Variants in GALK2 observed in about 807,000 individuals in gnomAD.
GALK2 encodes the protein galactokinase 2, also known as N-acetylgalactosamine kinase.
In GALK2, 36 loss-of-function variants were observed where a neutral mutation model predicts 52.4. That is an observed-to-expected ratio of 0.69 (90% CI 0.53 to 0.91). The LOEUF (loss-of-function observed/expected upper bound fraction) is 0.91, where lower values mean the gene tolerates loss of function less well. Ranked by LOEUF, GALK2 falls within the 40% of genes least tolerant of loss-of-function variation. GALK2 has a pLI of 0.00. For synonymous variants in GALK2, 176 were observed against 199.1 expected (o/e 0.88, Z 0.98); for missense variants, 579 against 559.1 (o/e 1.04, Z -0.36).
chr15:49,366,546 G>T (rs1314673768), intron 3 of GALK2: 24 of 1,571,688 alleles, frequency 1.5e-5, no homozygotes, highest in Non-Finnish European at 1.9e-5. Context: ...GACCAATGGG[G>T]GTTATAAAGC....
chr15:49,199,927 A>G (rs2087590090), intron 1 of GALK2, among the ~76,000 whole-genome samples: 1 of 152,252 alleles, frequency 6.6e-6, no homozygotes. Context: ...AATTCCCAAG[A>G]GACGAGCTTG....
intron 3 of GALK2, among the ~76,000 whole-genome samples, chr15:49,336,909 C>T (rs2039814524): frequency 6.6e-6 from 1 of 152,162 alleles, no homozygotes; most frequent in Non-Finnish European, 1.5e-5. Context: ...CGTTTATGTC[C>T]ATGAGTACCC....
downstream of GALK2, among the ~76,000 whole-genome samples, chr15:49,334,657 C>T (rs1440842031): frequency 6.6e-6 from 1 of 152,086 alleles, no homozygotes; most frequent in Admixed American, 6.5e-5. Context: ...AATGGGGACC[C>T]TTGGAAAGCA....
chr15:49,200,002 G>T (rs553424284), intron 1 of GALK2, among the ~76,000 whole-genome samples: 1 of 152,116 alleles, frequency 6.6e-6, no homozygotes, highest in South Asian at 2.1e-4. Flanking sequence ...GAGGTTTTTT[G>T]GGTGTGGGTC....
intron 5 of GALK2, 37 bp downstream of exon 5, chr15:49,239,404 T>A (rs2090987530): frequency 6.3e-7 from 1 of 1,583,622 alleles, no homozygotes; most frequent in Non-Finnish European, 8.6e-7. Context: ...TAGAACCCTC[T>A]CCTAATAATC....
chr15:49,185,667 A>AAT (rs2086287796), intron 1 of GALK2: 1 of 152,136 alleles, frequency 6.6e-6, no homozygotes, highest in Non-Finnish European at 1.5e-5. Context: ...CATTCTGACT[A>AAT]GTGTAAGGTG....
Position 49,283,728 on chromosome 15 carries a change from TGGCAG to T in GALK2, c.756+12_756+16del, listed in dbSNP as rs775185655. The T allele has an allele frequency of 3.1e-6, 5 of 1,613,014 alleles. No homozygotes were observed. The highest frequency in any genetic ancestry group is 4.2e-6 in the Non-Finnish European group (5 of 1,179,562). Reference sequence around the variant, plus strand: ...TCGGCTGGCTGCGAAGGTATGAACTTGGCAGGCTAGTGAAACTTGAAGTAGGGTTT... The same window carrying T: ...TCGGCTGGCTGCGAAGGTATGAACTTGCTAGTGAAACTTGAAGTAGGGTTT... On this transcript the variant is annotated intron_variant, in intron 7 of 9. Transcript: ENST00000560031.
rs187445298 is a variant in GALK2 at position 49,344,952 on chromosome 15, C to T, written c.427-22539C>T. Among the ~76,000 whole-genome samples, 10 of 152,240 alleles carry T rather than the reference C, an allele frequency of 6.6e-5. No homozygotes were observed. The East Asian group carries it at 1.9e-3, about 29-fold the overall frequency. On this transcript the variant is annotated intron_variant, in intron 3 of 3. Transcript: ENST00000558399. Reference sequence around the variant, plus strand: ...CTTCTTGTAGAATGATTAATACAACCAATGATACACTTTTTCTAAAGTATA... The same window carrying T: ...CTTCTTGTAGAATGATTAATACAACTAATGATACACTTTTTCTAAAGTATA...
chr15:49,243,131 G>C lies in GALK2; in HGVS notation c.504+3764G>C, dbSNP rs76167097. Among the ~76,000 whole-genome samples, 1,326 of 152,238 alleles carry C rather than the reference G, an allele frequency of 8.7e-3. 25 individuals carry two copies. Among genetic ancestry groups the C allele is most frequent in the African/African-American group, 0.031 (1,274 of 41,538 alleles). ...GGAAGAAAGCAGGGTAATATGGTGG[G>C]TGGGGATTTATCTGAAAGCCTTTGT... On this transcript the variant is annotated intron_variant, in intron 5 of 9. Coordinates refer to ENST00000560031, the MANE Select transcript of GALK2 (RefSeq NM_002044.4).
intron 1 of GALK2, chr15:49,177,827 A>C (rs1003894473): frequency 3.3e-6 from 1 of 306,256 alleles, no homozygotes; most frequent in Non-Finnish European, 6.2e-6. Context: ...ATAACTTCAA[A>C]CATTTTGTAT....
intron 3 of GALK2, among the ~76,000 whole-genome samples, chr15:49,363,811 T>C (rs2044663743): frequency 6.6e-6 from 1 of 152,100 alleles, no homozygotes; most frequent in Non-Finnish European, 1.5e-5. Context: ...TTGTTGAGGG[T>C]TTTTTATCAT....
chr15:49,194,366 A>G (rs2087023826), intron 1 of GALK2, among the ~76,000 whole-genome samples: 1 of 152,024 alleles, frequency 6.6e-6, no homozygotes, highest in South Asian at 2.1e-4. Context: ...TTGAGATGCC[A>G]CCATCATCAT....
chr15:49,316,386 G>C (rs573456167), intron 8 of GALK2, among the ~76,000 whole-genome samples: 2 of 146,682 alleles, frequency 1.4e-5, no homozygotes, highest in South Asian at 4.3e-4. Flanking sequence ...AACACCACAT[G>C]TTCTCACTCG....
At chr15:49,246,603 T>A (rs2091362938) in intron 5 of GALK2, among the ~76,000 whole-genome samples, 1 of 152,146 alleles carries the variant, frequency 6.6e-6, no homozygotes, top group African/African-American at 2.4e-5. Flanking sequence ...TATGTGGATA[T>A]CTCTGGCATT....
chr15:49,332,237 A>T (rs2038928280), downstream of GALK2, among the ~76,000 whole-genome samples: 1 of 152,198 alleles, frequency 6.6e-6, no homozygotes, highest in Non-Finnish European at 1.5e-5. Context: ...CTCTTCAGTT[A>T]GATGGTTTAC....
At chr15:49,366,590 G>A (rs1279993328) in intron 3 of GALK2, 4 of 1,599,106 alleles carry the variant, frequency 2.5e-6, no homozygotes, top group South Asian at 1.1e-5. Flanking sequence ...ATTTCCAGAC[G>A]CATGCAAGAT....
At chr15:49,169,980 C>T (rs1465323650), upstream of GALK2, 4 of 264,378 alleles carry the variant, frequency 1.5e-5, no homozygotes, top group Non-Finnish European at 3.0e-5. Flanking sequence ...TGACACTGTT[C>T]TCTGACATCC....
At chr15:49,322,245 C>T (rs1205437142) in intron 9 of GALK2, among the ~76,000 whole-genome samples, 2 of 152,076 alleles carry the variant, frequency 1.3e-5, no homozygotes, top group Non-Finnish European at 2.9e-5. Context: ...AAATTCAGTT[C>T]TGTGAAAAAT....
At chr15:49,204,569 T>C (rs1251006618) in intron 2 of GALK2, among the ~76,000 whole-genome samples, 2 of 152,192 alleles carry the variant, frequency 1.3e-5, no homozygotes, top group Admixed American at 6.6e-5. Flanking sequence ...AATTTATTCC[T>C]AGATATTCAT....
Sources: gnomAD v4.1 joint callset for allele counts (sites outside exome capture counted in the v4.1 genomes callset) on GRCh38, gnomAD v4.1.1 for gene constraint, MANE v1.5 for transcripts, NCBI Gene and HGNC (gene_info 2026-07-23, HGNC 2026-07-21) for gene names.